Variants in PALD1 observed in about 807,000 individuals in gnomAD.
PALD1 encodes paladin.
PALD1 carries 57 observed loss-of-function variants against 96.0 expected under a neutral mutation model. That is an observed-to-expected ratio of 0.59 (90% CI 0.48 to 0.74). PALD1 has a LOEUF of 0.74. Ranked by LOEUF, PALD1 falls within the 30% of genes least tolerant of loss-of-function variation. The pLI is 0.00. For missense variants in PALD1, 1,063 were observed against 1,143.7 expected (o/e 0.93, Z 1.02); for synonymous variants, 464 against 473.6 (o/e 0.98, Z 0.26).
the PALD1 span, among the ~76,000 whole-genome samples, chr10:70,463,235 T>C: frequency 6.6e-6 from 1 of 151,980 alleles, no homozygotes; most frequent in South Asian, 2.1e-4. Flanking sequence ...AAAACCCATC[T>C]CTACTAAAAA....
intron 1 of PALD1, among the ~76,000 whole-genome samples, chr10:70,517,235 G>A (rs1846638337): frequency 6.6e-6 from 1 of 152,156 alleles, no homozygotes; most frequent in Admixed American, 6.5e-5. Flanking sequence ...GTGGGAAGGT[G>A]TCACGAGAGG....
chr10:70,527,557 C>T (rs551283548), intron 2 of PALD1, among the ~76,000 whole-genome samples: 1 of 152,320 alleles, frequency 6.6e-6, no homozygotes, highest in East Asian at 1.9e-4. Context: ...GCAACAGGCG[C>T]TGTATGGCCC....
intron 18 of PALD1, 45 bp from the exon 19 acceptor site, chr10:70,564,319 G>T (rs777523137): frequency 6.4e-7 from 1 of 1,567,464 alleles, no homozygotes; most frequent in African/African-American, 1.4e-5. Context: ...TGTGTTGGGG[G>T]ACACGGATCC....
the PALD1 span, among the ~76,000 whole-genome samples, chr10:70,465,512 A>G: frequency 6.6e-6 from 1 of 152,198 alleles, no homozygotes; most frequent in East Asian, 1.9e-4. Flanking sequence ...CAGGTCCTCC[A>G]TAGGTATTAT....
chr10:70,534,418 T>G lies in PALD1; in HGVS notation c.1023-7T>G, dbSNP rs1847064456. The G allele has an allele frequency of 6.3e-7, 1 of 1,598,946 alleles. No individual in the cohort carries two copies. The highest frequency in any genetic ancestry group is 8.5e-7 in the Non-Finnish European group (1 of 1,170,938). On this transcript the variant is annotated splice_polypyrimidine_tract_variant and splice_region_variant and intron_variant, in intron 8 of 19. Transcript: ENST00000263563. ...AGCCTGCTAATGTACTGACCCTGCC[T>G]CGACAGGGCTGCCCCCACGCAGGCC...
intron 18 of PALD1, among the ~76,000 whole-genome samples, chr10:70,560,833 G>A (rs1182100622): frequency 6.6e-6 from 1 of 152,022 alleles, no homozygotes; most frequent in Admixed American, 6.5e-5. Flanking sequence ...AGCCTTGTCC[G>A]GCTCCACCAC....
Position 70,540,978 on chromosome 10 carries a change from C to G in PALD1, c.1909-124C>G. ...GGTGAGTTTTGTTTGTGTGTGCAAG[C>G]TTGGGAGCCTGACAATTTCTGGCCC... On this transcript the variant is annotated intron_variant, in intron 15 of 19. Coordinates refer to ENST00000263563, the MANE Select transcript of PALD1 (RefSeq NM_014431.3). This position sits in a 1 kb window ranked among gnomAD's most constrained non-coding sequence, Gnocchi z 4.2. 3.7e-6 allele frequency: 4 copies of G among 1,087,408 alleles called. No homozygotes were observed. The highest frequency in any genetic ancestry group is 5.3e-6 in the Non-Finnish European group (4 of 757,574). 67.4% of individuals were successfully genotyped at this position (1,087,408 alleles called of 1,614,324 possible).
At chr10:70,536,518 C>G (rs1043747650) in intron 10 of PALD1, among the ~76,000 whole-genome samples, 3 of 152,156 alleles carry the variant, frequency 2.0e-5, no homozygotes, top group Non-Finnish European at 2.9e-5. Flanking sequence ...TTCTTTCTCC[C>G]CTTAGTCTAG....
In PALD1 at chr10:70,487,869, T is replaced by C. The variant is rs560482195; in HGVS notation, c.-30+8810T>C. 9.0e-4 allele frequency among the ~76,000 whole-genome samples: 137 copies of C among 152,354 alleles called. 1 individual carries two copies. The highest frequency in any genetic ancestry group is 3.2e-3 in the African/African-American group (135 of 41,588). ...CACCTAGAAGGGCCCTATGCTCCCT[T>C]GTAGCCGGTCACCACTCCCACCTTG... On this transcript the variant is annotated intron_variant, in intron 1 of 19. Transcript: ENST00000263563.
At chr10:70,504,120 C>T (rs149062955) in intron 1 of PALD1, among the ~76,000 whole-genome samples, 13 of 152,342 alleles carry the variant, frequency 8.5e-5, no homozygotes, top group East Asian at 1.9e-4. Flanking sequence ...TGTTTGTAAA[C>T]GTATTCTCAG....
At position 70,530,059 on chromosome 10, in the gene PALD1, C is replaced by T. The variant is rs141285632; in HGVS notation, c.459C>T (p.Asp153=). 4.8e-5 allele frequency: 73 copies of T among 1,531,086 alleles called. No homozygotes were observed. The highest frequency in any genetic ancestry group is 1.5e-4 in the Admixed American group (7 of 47,872). The allele number at this position is 1,531,086 out of a possible 1,614,324, so 94.8% of individuals were successfully genotyped here. A position where few individuals can be genotyped will look rare whatever the true frequency, so the allele number is the denominator to read the frequency against. ...FRRVLQKLQK[D]GHRECVIFCV... ...GGGTCCTCCAGAAACTCCAGAAGGACGGACATAGGGTAAGTATGCCACTTC... is the reference window on the plus strand; with the variant it reads ...GGGTCCTCCAGAAACTCCAGAAGGATGGACATAGGGTAAGTATGCCACTTC... The change falls in exon 4 of 20, where the codon GAC becomes GAT. Residue 153 remains aspartate (D), a synonymous_variant. Transcript: ENST00000263563.
chr10:70,497,341 G>A (rs765234521), intron 1 of PALD1, among the ~76,000 whole-genome samples: 11 of 152,178 alleles, frequency 7.2e-5, no homozygotes, highest in Non-Finnish European at 1.2e-4. Context: ...CAGCTGCCTC[G>A]CTCAGACCCA....
chr10:70,554,274 C>G (rs1040808773), intron 18 of PALD1, among the ~76,000 whole-genome samples: 1 of 152,104 alleles, frequency 6.6e-6, no homozygotes, highest in Non-Finnish European at 1.5e-5. Context: ...ACAAAAAATA[C>G]AAAAATTAGC....
intron 1 of PALD1, among the ~76,000 whole-genome samples, chr10:70,491,170 C>G (rs573818786): frequency 1.3e-5 from 2 of 152,332 alleles, no homozygotes; most frequent in Admixed American, 1.3e-4. Context: ...TGGTCTCGAT[C>G]TCCTGACTTC....
chr10:70,488,401 G>C (rs1846046639), intron 1 of PALD1, among the ~76,000 whole-genome samples: 1 of 152,188 alleles, frequency 6.6e-6, no homozygotes, highest in Admixed American at 6.5e-5. Flanking sequence ...GATTACAGGC[G>C]TAAGCCACCA....
chr10:70,458,732 T>G, the PALD1 span, among the ~76,000 whole-genome samples: 1 of 152,032 alleles, frequency 6.6e-6, no homozygotes, highest in African/African-American at 2.4e-5. Context: ...TCGGGCGGGG[T>G]GGGGGTTACC....
rs1235689118 is a variant in PALD1, at chr10:70,508,809, G to GTGTGTGTGTGTGTGTGTA, written c.-29-17104_-29-17103insTGTGTGTATGTGTGTGTG. 4.9e-4 allele frequency among the ~76,000 whole-genome samples: 56 copies of GTGTGTGTGTGTGTGTGTA among 113,830 alleles called. 2 individuals are homozygous for GTGTGTGTGTGTGTGTGTA. The highest frequency in any genetic ancestry group is 8.1e-3 in the Middle Eastern group (2 of 248). The allele number at this position is 113,830 out of a possible 152,430, so 74.7% of individuals were successfully genotyped here. A position where few individuals can be genotyped will look rare whatever the true frequency, so the allele number is the denominator to read the frequency against. ...CGTGTGTGTGTGTGTGTGTGTGTGT[G>GTGTGTGTGTGTGTGTGTA]TGTGTGTGTGCAGGCCTGTGGGAGC... On this transcript the variant is annotated intron_variant, in intron 1 of 19. Transcript: ENST00000263563.
At chr10:70,558,689 T>G (rs1428617831) in intron 18 of PALD1, among the ~76,000 whole-genome samples, 1 of 126,422 alleles carries the variant, frequency 7.9e-6, no homozygotes, top group African/African-American at 2.7e-5. Context: ...TAGCAAATTC[T>G]TGTAAGAATT....
intron 18 of PALD1, among the ~76,000 whole-genome samples, chr10:70,549,987 C>T (rs1263699908): frequency 2.0e-5 from 3 of 152,222 alleles, no homozygotes; most frequent in Admixed American, 6.5e-5. Context: ...TCCCTGAGCC[C>T]CAAGGCCCCT....
Sources: allele counts gnomAD v4.1 joint callset (sites outside exome capture counted in the v4.1 genomes callset), GRCh38; gene constraint gnomAD v4.1.1; non-coding constraint Gnocchi (gnomAD v3.1); transcripts MANE v1.5; gene names NCBI Gene and HGNC (gene_info 2026-07-23, HGNC 2026-07-21).